The following CEMIP variants were observed in gnomAD, a reference collection of about 807,000 sequenced individuals.
CEMIP encodes cell migration inducing hyaluronidase 1, also known as cell migration-inducing and hyaluronan-binding protein.
Under a neutral mutation model 156.9 loss-of-function variants are expected in CEMIP, and 105 were observed. The ratio of observed to expected loss-of-function variants is 0.67; its 90% confidence interval spans 0.57 to 0.79. CEMIP has a LOEUF of 0.79. Among genes scored for constraint, CEMIP ranks in the 30% least tolerant of loss-of-function variants. CEMIP has a pLI of 0.00. For synonymous variants in CEMIP, 676 were observed against 668.4 expected (o/e 1.01, Z -0.17); for missense variants, 1,457 against 1,769.4 (o/e 0.82, Z 3.17).
intron 19 of CEMIP, 104 bp from the exon 20 acceptor site, chr15:80,928,798 G>A: frequency 7.2e-7 from 1 of 1,391,394 alleles, no homozygotes; most frequent in East Asian, 2.3e-5. Context: ...CCTCTGCACG[G>A]TATTCAGTTT....
intron 3 of CEMIP, among the ~76,000 whole-genome samples, chr15:80,877,200 C>T (rs1053094761): frequency 3.5e-4 from 54 of 152,208 alleles, no homozygotes; most frequent in African/African-American, 1.3e-3. Context: ...GTGAGAGCTA[C>T]AATTCAAGAT....
In CEMIP at chr15:80,881,385, G is replaced by A. The variant is rs549301536; in HGVS notation, c.617+249G>A. Among the ~76,000 whole-genome samples, 4 of 152,254 alleles carry A rather than the reference G, an allele frequency of 2.6e-5. No homozygotes were observed. The South Asian group carries it at 8.3e-4, about 32-fold the overall frequency. ...AGATTGTGATAATTGGTAGTAAGGG[G>A]GAAAAAAGACAGAGTGAGATGCTAG... On this transcript the variant is annotated intron_variant, in intron 6 of 29. Transcript: ENST00000394685.
At chr15:80,782,477 G>A (rs979956460) in intron 1 of CEMIP, among the ~76,000 whole-genome samples, 1 of 152,174 alleles carries the variant, frequency 6.6e-6, no homozygotes, top group Non-Finnish European at 1.5e-5. Flanking sequence ...AGCTGGACTG[G>A]AGGGTCCCTT....
chr15:80,884,270 A>C lies in CEMIP; in HGVS notation c.713A>C (p.Asp238Ala). ...DGRILSVAVN[D>A]EGSRNLDDMA... is the part of the protein sequence containing the mutation. ...AGGATCCTTTCTGTTGCAGTGAATG[A>C]TGAAGGTTCTCGAAATCTGGATGAC... is the stretch of plus-strand genomic sequence containing the variant. Residue 238 changes from aspartate (D) to alanine (A), a missense_variant, in exon 7 of 30, where the codon GAT becomes GCT. Coordinates refer to ENST00000394685, the MANE Select transcript of CEMIP (RefSeq NM_001293298.2). 6.2e-7 allele frequency: 1 copy of C among 1,614,222 alleles called. No homozygotes were observed. Among genetic ancestry groups the C allele is most frequent in the Non-Finnish European group, 8.5e-7 (1 of 1,180,030 alleles).
intron 29 of CEMIP, chr15:80,947,663 A>G (rs777798654): frequency 6.4e-6 from 1 of 155,338 alleles, no homozygotes; most frequent in African/African-American, 2.4e-5. Context: ...AGGTGCAGGG[A>G]GAGTCCTCAG....
chr15:80,881,281 C>T (rs1248532643), intron 6 of CEMIP, 145 bp downstream of exon 6: 3 of 787,010 alleles, frequency 3.8e-6, no homozygotes, highest in Non-Finnish European at 6.8e-6. Context: ...GGAGTTCTGT[C>T]CTTCCCCAGG....
At chr15:80,944,217 T>C (rs1301501102) in intron 28 of CEMIP, among the ~76,000 whole-genome samples, 1 of 152,198 alleles carries the variant, frequency 6.6e-6, no homozygotes, top group East Asian at 1.9e-4. Flanking sequence ...GAGGCGGACG[T>C]TGCAGTGAGC....
intron 1 of CEMIP, among the ~76,000 whole-genome samples, chr15:80,867,356 A>C (rs1898157882): frequency 2.6e-5 from 4 of 152,202 alleles, no homozygotes; most frequent in Admixed American, 2.0e-4. Context: ...TAGGAATTAG[A>C]AGCACAGTTT....
intron 25 of CEMIP, among the ~76,000 whole-genome samples, chr15:80,940,068 T>C (rs1901281494): frequency 6.6e-6 from 1 of 152,236 alleles, no homozygotes; most frequent in Non-Finnish European, 1.5e-5. Flanking sequence ...AGTGAATTCT[T>C]ATAATGATTC....
intron 1 of CEMIP, among the ~76,000 whole-genome samples, chr15:80,829,114 C>G (rs1263525007): frequency 6.6e-6 from 1 of 152,230 alleles, no homozygotes; most frequent in African/African-American, 2.4e-5. Context: ...CAGGCCTTCT[C>G]TGTTCTCCTG....
At chr15:80,783,786 C>G (rs1895856906) in intron 1 of CEMIP, among the ~76,000 whole-genome samples, 1 of 152,210 alleles carries the variant, frequency 6.6e-6, no homozygotes, top group Non-Finnish European at 1.5e-5. Context: ...TGCCCTGGCA[C>G]CAGGCTTTGT....
chr15:80,780,768 A>AG (rs1353535410), intron 1 of CEMIP, among the ~76,000 whole-genome samples: 1 of 152,170 alleles, frequency 6.6e-6, no homozygotes, highest in Non-Finnish European at 1.5e-5. Context: ...CTGCGTGCCC[A>AG]GGCGCGACGC....
intron 8 of CEMIP, 83 bp from the exon 9 acceptor site, chr15:80,888,618 A>AG: frequency 9.6e-7 from 1 of 1,039,188 alleles, no homozygotes; most frequent in Non-Finnish European, 1.5e-6. Flanking sequence ...CCATGTGCGT[A>AG]GGGGGGTTTC....
chr15:80,845,375 G>T (rs1230047591), intron 1 of CEMIP, among the ~76,000 whole-genome samples: 5 of 152,148 alleles, frequency 3.3e-5, no homozygotes, highest in African/African-American at 1.2e-4. Context: ...AGGCTGCAGT[G>T]AGCAGTGATC....
At chr15:80,935,719 T>G (rs1190965242) in intron 23 of CEMIP, among the ~76,000 whole-genome samples, 3 of 152,080 alleles carry the variant, frequency 2.0e-5, no homozygotes, top group Non-Finnish European at 2.9e-5. Flanking sequence ...AAACAGGACA[T>G]GGCGTTTTTT....
intron 12 of CEMIP, among the ~76,000 whole-genome samples, chr15:80,898,935 C>A (rs1285331393): frequency 6.6e-6 from 1 of 152,286 alleles, no homozygotes; most frequent in South Asian, 2.1e-4. Context: ...CACATACAGG[C>A]CGGGCGCGGT....
rs1900628375 is a variant in CEMIP, at chr15:80,925,612, G to A, written c.2289-12G>A. The A allele has an allele frequency of 6.2e-7, 1 of 1,611,382 alleles. No individual in the cohort carries two copies. Among genetic ancestry groups the A allele is most frequent in the African/African-American group, 1.3e-5 (1 of 74,914 alleles). On this transcript the variant is annotated splice_polypyrimidine_tract_variant and intron_variant, in intron 18 of 29. Transcript: ENST00000394685. The stretch of plus-strand genomic sequence containing the variant: ...CACCGCCACCTGTGCCCTCCCCATG[G>A]TTGTGCTGCAGATACAGCCCTCACC...
rs201320116 is a variant in CEMIP at position 80,921,049 on chromosome 15, G to A, written c.2021G>A (p.Trp674Ter). 1.9e-6 allele frequency: 3 copies of A among 1,614,178 alleles called. No individual in the cohort carries two copies. The highest frequency in any genetic ancestry group is 2.2e-5 in the East Asian group (1 of 44,880). ...RQDCNAVSTF[W>*]MANPNNNLIN... ...CCCTGCAGTGCTGTGTCCACCTTCT[G>A]GATGGCCAATCCCAACAACAACCTC... The change falls in exon 16 of 30, where the codon TGG (tryptophan) becomes TAG (stop). Residue 674 changes from tryptophan (W) to a stop codon, truncating the protein, a stop_gained. Coordinates refer to ENST00000394685, the MANE Select transcript of CEMIP (RefSeq NM_001293298.2). LOFTEE classifies it high-confidence loss of function.
chr15:80,929,220 A>T, intron 21 of CEMIP, 46 bp downstream of exon 21: 1 of 1,611,718 alleles, frequency 6.2e-7, no homozygotes, highest in Non-Finnish European at 8.5e-7. Flanking sequence ...GGCTTAACCT[A>T]AGTGGCTGTG....
Sources: gnomAD v4.1 joint callset for allele counts (sites outside exome capture counted in the v4.1 genomes callset) on GRCh38, gnomAD v4.1.1 for gene constraint, MANE v1.5 for transcripts, NCBI Gene and HGNC (gene_info 2026-07-23, HGNC 2026-07-21) for gene names.